Variants in AP3B1 observed in about 807,000 individuals in gnomAD.
AP3B1 encodes the protein adaptor related protein complex 3 subunit beta 1, also known as AP-3 complex subunit beta-1.
In AP3B1, 61 loss-of-function variants were observed where a neutral mutation model predicts 132.5. The ratio of observed to expected loss-of-function variants is 0.46; its 90% CI spans 0.37 to 0.57. The LOEUF (loss-of-function observed/expected upper bound fraction) is 0.57. AP3B1 is among the 20% of genes least tolerant of loss of function. AP3B1 has a pLI of 0.00. For missense variants in AP3B1, 1,120 were observed against 1,289.4 expected, an observed-to-expected ratio of 0.87 and a Z score of 2.01; for synonymous variants, 388 against 438.3, an observed-to-expected ratio of 0.89 and a Z score of 1.43.
intron 1 of AP3B1, among the ~76,000 whole-genome samples, chr5:78,290,578 G>C (rs1580601267): frequency 7.0e-6 from 1 of 143,814 alleles, no homozygotes; most frequent in East Asian, 2.0e-4. Context: ...TACCCAAATT[G>C]GTTAAAAGAA....
chr5:78,117,623 T>A (rs1751915450), intron 17 of AP3B1, among the ~76,000 whole-genome samples: 1 of 152,182 alleles, frequency 6.6e-6, no homozygotes, highest in Non-Finnish European at 1.5e-5. Context: ...TTTGTTCAAT[T>A]TTAAGTGTGG....
intron 24 of AP3B1, among the ~76,000 whole-genome samples, chr5:78,025,683 T>G (rs986475114): frequency 6.6e-5 from 10 of 152,150 alleles, no homozygotes; most frequent in African/African-American, 2.4e-4. Flanking sequence ...CTAACAAAAT[T>G]AGCACATGAA....
chr5:78,210,095 CT>C (rs1366237207), intron 7 of AP3B1, among the ~76,000 whole-genome samples: 5 of 152,100 alleles, frequency 3.3e-5, no homozygotes, highest in Admixed American at 6.5e-5. Flanking sequence ...AAAAACTGCT[CT>C]TATTGCATTG....
At chr5:78,053,695 AAAG>A (rs1748685711) in intron 22 of AP3B1, among the ~76,000 whole-genome samples, 1 of 149,124 alleles carries the variant, frequency 6.7e-6, no homozygotes, top group African/African-American at 2.5e-5. Flanking sequence ...AAAAAAAAAA[AAAG>A]AAAGAAAAGA....
intron 2 of AP3B1, among the ~76,000 whole-genome samples, chr5:78,260,122 T>C (rs1748021297): frequency 6.6e-6 from 1 of 152,014 alleles, no homozygotes; most frequent in Non-Finnish European, 1.5e-5. Context: ...TACAAAAATC[T>C]AAGGAAAAGA....
rs189132374 is a variant in AP3B1, at chr5:78,041,385, C to T, written c.2578-2111G>A. ...CCAGCCTGGGCAACATGGTGAGATC[C>T]TGTCTCTAGAGAAAATGTAAAAAAT... On this transcript the variant is annotated intron_variant, in intron 22 of 26. Transcript: ENST00000255194. Among the ~76,000 whole-genome samples, 419 of 151,872 alleles carry T rather than the reference C, an allele frequency of 2.8e-3. 14 individuals carry two copies. Among genetic ancestry groups the T allele is most frequent in the Non-Finnish European group, 7.1e-4 (48 of 67,988 alleles).
chr5:78,149,960 G>T (rs1753576165), intron 14 of AP3B1, among the ~76,000 whole-genome samples: 1 of 150,578 alleles, frequency 6.6e-6, no homozygotes, highest in Non-Finnish European at 1.5e-5. Context: ...AGATAAATGT[G>T]TAACTGCCTT....
At chr5:78,080,839 C>G (rs1037950725) in intron 22 of AP3B1, among the ~76,000 whole-genome samples, 1 of 151,972 alleles carries the variant, frequency 6.6e-6, no homozygotes, top group Admixed American at 6.6e-5. Context: ...AAAATATGAT[C>G]GGTGGAAAAA....
intron 26 of AP3B1, among the ~76,000 whole-genome samples, chr5:78,005,093 A>C (rs1257321104): frequency 6.6e-6 from 1 of 152,202 alleles, no homozygotes; most frequent in Non-Finnish European, 1.5e-5. Context: ...TCACCAAAGG[A>C]TATGAGGTGG....
At chr5:78,155,532 T>G (rs1743112634) in intron 14 of AP3B1, among the ~76,000 whole-genome samples, 2 of 152,140 alleles carry the variant, frequency 1.3e-5, no homozygotes, top group South Asian at 4.1e-4. Flanking sequence ...CTCTTCAAGA[T>G]TTGTGTTTAA....
chr5:78,210,509 G>C (rs1050247911), intron 7 of AP3B1, among the ~76,000 whole-genome samples: 2 of 152,150 alleles, frequency 1.3e-5, no homozygotes, highest in Non-Finnish European at 2.9e-5. Context: ...GATATACAGA[G>C]AGAGACAAAA....
At chr5:78,027,754 A>C (rs548279653) in intron 24 of AP3B1, among the ~76,000 whole-genome samples, 1 of 152,228 alleles carries the variant, frequency 6.6e-6, no homozygotes, top group South Asian at 2.1e-4. Flanking sequence ...CTCTCTACAT[A>C]AGTATTTGTA....
chr5:78,021,288 C>A (rs1231496731), intron 24 of AP3B1, among the ~76,000 whole-genome samples: 2 of 151,922 alleles, frequency 1.3e-5, no homozygotes, highest in African/African-American at 4.8e-5. Flanking sequence ...ATCTCATCTG[C>A]AAACTTGCTT....
intron 15 of AP3B1, among the ~76,000 whole-genome samples, chr5:78,140,717 AT>A (rs1302377528): frequency 6.6e-6 from 1 of 152,214 alleles, no homozygotes; most frequent in Non-Finnish European, 1.5e-5. Context: ...TGTACCTGCC[AT>A]TCTGGACTCA....
At position 78,060,413 on chromosome 5, in the gene AP3B1, TAGA is replaced by T. The variant is rs376305690; in HGVS notation, c.2578-21142_2578-21140del. Among the ~76,000 whole-genome samples the T allele has an allele frequency of 3.3e-3, 498 of 152,310 alleles. 3 individuals carry two copies. Among genetic ancestry groups the T allele is most frequent in the Middle Eastern group, 0.014 (4 of 294 alleles). On this transcript the variant is annotated intron_variant, in intron 22 of 26. Coordinates refer to ENST00000255194, the MANE Select transcript of AP3B1 (RefSeq NM_003664.5). ...TATCGGTCTGATAGAAACACACATG[TAGA>T]AGGACAAAATGTTTCTTTGTGGATA... is the stretch of plus-strand genomic sequence containing the variant.
intron 7 of AP3B1, among the ~76,000 whole-genome samples, chr5:78,215,457 G>C: frequency 6.6e-6 from 1 of 151,910 alleles, no homozygotes; most frequent in South Asian, 2.1e-4. Context: ...AGAATAAGGC[G>C]TACTTCTAAT....
At chr5:78,163,564 T>C (rs1250389526) in intron 12 of AP3B1, among the ~76,000 whole-genome samples, 2 of 150,476 alleles carry the variant, frequency 1.3e-5, no homozygotes, top group African/African-American at 4.9e-5. Context: ...TTTAAAAATA[T>C]ACTGTAAAGG....
chr5:78,262,178 C>T (rs1409006024), intron 2 of AP3B1, among the ~76,000 whole-genome samples: 1 of 152,118 alleles, frequency 6.6e-6, no homozygotes, highest in Non-Finnish European at 1.5e-5. Context: ...CTATGGGTTG[C>T]CTTTTCACTT....
At chr5:78,010,408 T>G (rs936807371) in intron 26 of AP3B1, among the ~76,000 whole-genome samples, 2 of 152,170 alleles carry the variant, frequency 1.3e-5, no homozygotes, top group African/African-American at 2.4e-5. Context: ...GCTGAGTTTT[T>G]GGGGTGGGTT....
Sources: allele counts gnomAD v4.1 joint callset (sites outside exome capture counted in the v4.1 genomes callset), GRCh38; gene constraint gnomAD v4.1.1; transcripts MANE v1.5; gene names NCBI Gene and HGNC (gene_info 2026-07-23, HGNC 2026-07-21).